TMEFF1: variants seen among roughly 807,000 people sequenced by gnomAD.
The protein encoded by TMEFF1 is transmembrane protein with EGF like and two follistatin like domains 1, also known as tomoregulin-1.
TMEFF1 carries 20 observed loss-of-function variants against 47.5 expected under a neutral mutation model. That is an observed-to-expected ratio of 0.42 (90% CI 0.30 to 0.61). The LOEUF is 0.61. Ranked by LOEUF, TMEFF1 falls within the 20% of genes least tolerant of loss-of-function variation. The probability of loss-of-function intolerance (pLI) is 0.19; values close to 1 mark genes in which losing one functional copy is unlikely to be tolerated. For synonymous variants in TMEFF1, 162 were observed against 166.3 expected (o/e 0.97, Z 0.20); for missense variants, 411 against 471.1 (o/e 0.87, Z 1.18).
At chr9:100,570,374 T>G (rs1336530834) in intron 8 of TMEFF1, among the ~76,000 whole-genome samples, 1 of 152,182 alleles carries the variant, frequency 6.6e-6, no homozygotes, top group Admixed American at 6.5e-5. Context: ...CCATAATAAC[T>G]GTATCTTATG....
chr9:100,572,982 C>CTT (rs568021377), intron 9 of TMEFF1, among the ~76,000 whole-genome samples: 2 of 140,332 alleles, frequency 1.4e-5, no homozygotes, highest in African/African-American at 2.6e-5. Flanking sequence ...TAGTAGCAAT[C>CTT]TTTTTTTTTT....
rs1837157546 is a variant in TMEFF1 at position 100,473,443 on chromosome 9, G to A, written c.-102G>A. 1 of 927,116 alleles carries A rather than the reference G, an allele frequency of 1.1e-6. No homozygotes were observed. The allele number at this position is 927,116 out of a possible 1,614,324, so 57.4% of individuals were successfully genotyped here. ...GGGCTGCTCCCCGGCTCAGCGGCGC[G>A]GCTGCTAGGAGGCACCGAGGCAGCG... is the stretch of plus-strand genomic sequence containing the variant. On this transcript the variant is annotated 5_prime_UTR_variant, in exon 1 of 10. Coordinates refer to ENST00000374879, the MANE Select transcript of TMEFF1 (RefSeq NM_003692.5). The surrounding 1 kb of genome is among the most constrained non-coding windows in gnomAD (Gnocchi z 5.4).
chr9:100,562,902 C>G (rs1221965288), intron 8 of TMEFF1, among the ~76,000 whole-genome samples: 2 of 152,180 alleles, frequency 1.3e-5, no homozygotes, highest in Non-Finnish European at 2.9e-5. Context: ...ACTGCAACCT[C>G]CGCCTCCTGG....
intron 2 of TMEFF1, among the ~76,000 whole-genome samples, chr9:100,503,369 A>G (rs575367090): frequency 2.0e-5 from 3 of 152,204 alleles, no homozygotes; most frequent in Middle Eastern, 3.4e-3. Flanking sequence ...AAAACTTTGT[A>G]TAGAGTACAG....
At chr9:100,574,014 G>T (rs996950912) in intron 9 of TMEFF1, among the ~76,000 whole-genome samples, 2 of 151,946 alleles carry the variant, frequency 1.3e-5, no homozygotes, top group African/African-American at 2.4e-5. Flanking sequence ...ATTTGTCTGT[G>T]GTCATCCGAC....
At chr9:100,541,328 ATGG>A (rs1838622604) in intron 5 of TMEFF1, among the ~76,000 whole-genome samples, 1 of 146,238 alleles carries the variant, frequency 6.8e-6, no homozygotes, top group Non-Finnish European at 1.5e-5. Flanking sequence ...AAACCCTATC[ATGG>A]TGGATTTGGC....
intron 5 of TMEFF1, among the ~76,000 whole-genome samples, chr9:100,524,664 G>A (rs1306499514): frequency 6.6e-6 from 1 of 152,046 alleles, no homozygotes; most frequent in Non-Finnish European, 1.5e-5. Context: ...TCAGCTGTCA[G>A]GAGTATGTCA....
intron 5 of TMEFF1, among the ~76,000 whole-genome samples, chr9:100,536,526 A>G (rs1838511514): frequency 6.6e-6 from 1 of 152,212 alleles, no homozygotes; most frequent in Admixed American, 6.5e-5. Context: ...TTTGTTTAAT[A>G]TAAAAAGCAT....
At chr9:100,533,698 A>G (rs1838446784) in intron 5 of TMEFF1, among the ~76,000 whole-genome samples, 1 of 150,144 alleles carries the variant, frequency 6.7e-6, no homozygotes, top group African/African-American at 2.5e-5. Context: ...TGGATGCTTA[A>G]TTTTATTTTT....
intron 2 of TMEFF1, among the ~76,000 whole-genome samples, chr9:100,507,195 C>CT (rs1356455748): frequency 6.6e-6 from 1 of 152,110 alleles, no homozygotes; most frequent in Non-Finnish European, 1.5e-5. Flanking sequence ...TTATTTCATT[C>CT]TTTTTTATGG....
intron 4 of TMEFF1, among the ~76,000 whole-genome samples, chr9:100,515,766 C>T (rs539822616): frequency 3.3e-5 from 5 of 151,712 alleles, no homozygotes; most frequent in South Asian, 4.2e-4. Flanking sequence ...GCTGAGATTG[C>T]GCCACTGCAT....
At chr9:100,521,343 C>T (rs961364564) in intron 5 of TMEFF1, among the ~76,000 whole-genome samples, 26 of 152,072 alleles carry the variant, frequency 1.7e-4, no homozygotes, top group African/African-American at 6.3e-4. Flanking sequence ...CAGTTATGTT[C>T]GTTAATGCTT....
At position 100,544,087 on chromosome 9, in the gene TMEFF1, G is replaced by GATATAT. The variant is rs35750255; in HGVS notation, c.561-3643_561-3638dup. On this transcript the variant is annotated intron_variant, in intron 5 of 9. Coordinates refer to ENST00000374879, the MANE Select transcript of TMEFF1 (RefSeq NM_003692.5). ...CTCATTTCCAGTTTACCTTCATGCT[G>GATATAT]ATATATATATATATATATAACTTTT... Among the ~76,000 whole-genome samples the GATATAT allele has an allele frequency of 1.0e-2, 1,466 of 147,192 alleles. 14 individuals carry two copies. The highest frequency in any genetic ancestry group is 0.049 in the Middle Eastern group (14 of 286).
At position 100,572,542 on chromosome 9, in the gene TMEFF1, G is replaced by T. The variant is rs778417725; in HGVS notation, c.924G>T (p.Gln308His). Reference protein sequence around the residue: ...SCRCESGYTGQHCEKTDFSIL... With the variant: ...SCRCESGYTGHHCEKTDFSIL... Reference sequence around the variant, plus strand: ...GATGTGAATCTGGCTACACTGGACAGCACTGTGAAAAGACAGACTTTAGTA... The same window carrying T: ...GATGTGAATCTGGCTACACTGGACATCACTGTGAAAAGACAGACTTTAGTA... Residue 308 changes from glutamine to histidine, a missense_variant, in exon 9 of 10, where the codon CAG (glutamine) becomes CAT (histidine). By Grantham distance (24) the Gln-to-His change is conservative. Coordinates refer to ENST00000374879, the MANE Select transcript of TMEFF1 (RefSeq NM_003692.5). The T allele has an allele frequency of 6.2e-6, 10 of 1,612,228 alleles. No individual in the cohort carries two copies. Among genetic ancestry groups the T allele is most frequent in the Non-Finnish European group, 8.5e-6 (10 of 1,179,252 alleles).
At chr9:100,532,681 G>A (rs1024302001) in intron 5 of TMEFF1, among the ~76,000 whole-genome samples, 10 of 151,656 alleles carry the variant, frequency 6.6e-5, no homozygotes, top group South Asian at 2.1e-4. Flanking sequence ...TCAGTGTGGC[G>A]ATTCCTCAGG....
chr9:100,550,953 C>T (rs530653584), intron 7 of TMEFF1, among the ~76,000 whole-genome samples: 50 of 152,344 alleles, frequency 3.3e-4, no homozygotes, highest in Non-Finnish European at 6.6e-4. Flanking sequence ...CTTGTTTTCA[C>T]ATCCATTATT....
chr9:100,550,279 C>T (rs1428080118), intron 7 of TMEFF1, 119 bp downstream of exon 7: 1 of 852,080 alleles, frequency 1.2e-6, no homozygotes, highest in African/African-American at 1.8e-5. Context: ...TAGTAATATA[C>T]CTAACACAGT....
intron 5 of TMEFF1, among the ~76,000 whole-genome samples, chr9:100,546,611 G>C (rs1245439889): frequency 1.3e-5 from 2 of 152,150 alleles, no homozygotes; most frequent in African/African-American, 4.8e-5. Context: ...GAGCTCAATT[G>C]ACCTTTCTCT....
chr9:100,552,972 A>G (rs1241119694), intron 7 of TMEFF1, among the ~76,000 whole-genome samples: 2 of 152,206 alleles, frequency 1.3e-5, no homozygotes, highest in Non-Finnish European at 2.9e-5. Context: ...AGAGTTGAAG[A>G]AAGTTCTGTT....
Sources: gnomAD v4.1 joint callset for allele counts (sites outside exome capture counted in the v4.1 genomes callset) on GRCh38, gnomAD v4.1.1 for gene constraint, Gnocchi (gnomAD v3.1) non-coding constraint, MANE v1.5 for transcripts, NCBI Gene and HGNC (gene_info 2026-07-23, HGNC 2026-07-21) for gene names.